The following SCOC variants were observed in gnomAD, a reference collection of about 807,000 sequenced individuals.
SCOC encodes short coiled coil protein.
In SCOC, 7 loss-of-function variants were observed where a neutral mutation model predicts 9.9. That is an observed-to-expected ratio of 0.71 (90% CI 0.40 to 1.33). The LOEUF is 1.33. SCOC is among the 40% of genes most tolerant of loss of function. SCOC has a pLI of 0.01. For synonymous variants in SCOC, 19 were observed against 28.2 expected, an observed-to-expected ratio of 0.67 and a Z score of 1.03; for missense variants, 66 against 89.7, an observed-to-expected ratio of 0.74 and a Z score of 1.07.
At chr4:140,295,904 C>T (rs1731616858) in intron 1 of SCOC, among the ~76,000 whole-genome samples, 1 of 131,690 alleles carries the variant, frequency 7.6e-6, no homozygotes. Flanking sequence ...GCACTCCAGC[C>T]TGGGCGACAG....
chr4:140,340,367 G>T (rs999985653), upstream of SCOC, among the ~76,000 whole-genome samples: 2 of 151,668 alleles, frequency 1.3e-5, no homozygotes, highest in African/African-American at 4.8e-5. Context: ...GAGTTAATGG[G>T]TTCAGCACAC....
At chr4:140,279,268 T>C (rs1731050121) in intron 1 of SCOC, among the ~76,000 whole-genome samples, 1 of 152,242 alleles carries the variant, frequency 6.6e-6, no homozygotes, top group South Asian at 2.1e-4. Context: ...GATTTCTTTA[T>C]GACATATTCT....
chr4:140,278,667 A>G (rs1731036967), intron 1 of SCOC, among the ~76,000 whole-genome samples: 2 of 152,128 alleles, frequency 1.3e-5, no homozygotes, highest in Admixed American at 6.5e-5. Flanking sequence ...TTCTAATACT[A>G]TCACTGTGTT....
intron 1 of SCOC, among the ~76,000 whole-genome samples, chr4:140,272,222 A>ATT (rs10685796): frequency 3.9e-3 from 559 of 142,304 alleles, no homozygotes; most frequent in East Asian, 0.011. Flanking sequence ...CCTACCTTTA[A>ATT]TTTTTTTTTT....
intron 2 of SCOC, 102 bp from the exon 3 acceptor site, chr4:140,379,467 C>A: frequency 2.3e-6 from 2 of 855,124 alleles, no homozygotes; most frequent in Non-Finnish European, 3.8e-6. Flanking sequence ...TTGTATAAGT[C>A]AAGTAAGAAT....
chr4:140,259,070 T>G (rs571616690), intron 1 of SCOC, among the ~76,000 whole-genome samples: 1 of 152,320 alleles, frequency 6.6e-6, no homozygotes, highest in Middle Eastern at 3.4e-3. Context: ...TGCCTAGAAA[T>G]GCACAGACAG....
intron 1 of SCOC, among the ~76,000 whole-genome samples, chr4:140,317,656 T>TTTTTA (rs1263818367): frequency 1.3e-5 from 2 of 149,572 alleles, no homozygotes; most frequent in South Asian, 2.1e-4. Flanking sequence ...ACTGTTTGCA[T>TTTTTA]TTTTATTTTA....
intron 1 of SCOC, among the ~76,000 whole-genome samples, chr4:140,325,018 A>G (rs1267007009): frequency 6.6e-6 from 1 of 152,134 alleles, no homozygotes; most frequent in Non-Finnish European, 1.5e-5. Flanking sequence ...GAATTCATAA[A>G]TAGATCTACA....
chr4:140,364,924 A>G (rs1258395820), intron 2 of SCOC, among the ~76,000 whole-genome samples: 1 of 152,134 alleles, frequency 6.6e-6, no homozygotes, highest in East Asian at 1.9e-4. Context: ...CTTAAGCCTT[A>G]TTACACAGGG....
chr4:140,380,274 T>C (rs1274831737), intron 3 of SCOC, among the ~76,000 whole-genome samples: 4 of 144,690 alleles, frequency 2.8e-5, no homozygotes, highest in African/African-American at 1.0e-4. Context: ...CTCGGCTCCC[T>C]GCAACCTCTG....
upstream of SCOC, among the ~76,000 whole-genome samples, chr4:140,370,599 T>A (rs1004617337): frequency 3.3e-5 from 5 of 152,208 alleles, no homozygotes; most frequent in Non-Finnish European, 5.9e-5. Context: ...TATACTTAAA[T>A]TATCTGTATA....
chr4:140,258,412 T>G (rs897290586), intron 1 of SCOC, among the ~76,000 whole-genome samples: 1 of 152,190 alleles, frequency 6.6e-6, no homozygotes, highest in African/African-American at 2.4e-5. Flanking sequence ...TCTATTCCTA[T>G]CTCCGTCAAA....
intron 1 of SCOC, among the ~76,000 whole-genome samples, chr4:140,259,702 A>G (rs1730586629): frequency 6.6e-6 from 1 of 152,290 alleles, no homozygotes; most frequent in East Asian, 1.9e-4. Flanking sequence ...GAGTGAGACC[A>G]TGTCTCCAAA....
chr4:140,286,020 A>T (rs1041747107), intron 1 of SCOC, among the ~76,000 whole-genome samples: 1 of 152,002 alleles, frequency 6.6e-6, no homozygotes, highest in South Asian at 2.1e-4. Flanking sequence ...TCCCATCTCT[A>T]CTAAAAATAC....
chr4:140,329,639 G>A (rs558935215), intron 1 of SCOC, among the ~76,000 whole-genome samples: 1 of 152,162 alleles, frequency 6.6e-6, no homozygotes, highest in East Asian at 1.9e-4. Flanking sequence ...AGTGGGCTAA[G>A]GACATGAATA....
intron 1 of SCOC, among the ~76,000 whole-genome samples, chr4:140,290,620 C>T (rs1172721187): frequency 6.6e-6 from 1 of 152,216 alleles, no homozygotes; most frequent in Non-Finnish European, 1.5e-5. Flanking sequence ...CGACACCAAC[C>T]TGGCCAACAT....
At chr4:140,316,785 A>G (rs547615549) in intron 1 of SCOC, among the ~76,000 whole-genome samples, 1 of 152,340 alleles carries the variant, frequency 6.6e-6, no homozygotes, top group East Asian at 1.9e-4. Flanking sequence ...ATTTTCAATG[A>G]AACTATGATA....
chr4:140,271,849 A>G (rs1730851862), intron 1 of SCOC, among the ~76,000 whole-genome samples: 1 of 152,158 alleles, frequency 6.6e-6, no homozygotes, highest in South Asian at 2.1e-4. Flanking sequence ...ACTAAAAAGT[A>G]GTGAGCTCAC....
intron 3 of SCOC, among the ~76,000 whole-genome samples, 191 bp from the exon 4 acceptor site, chr4:140,380,771 A>T (rs1728544825): frequency 6.6e-6 from 1 of 152,218 alleles, no homozygotes; most frequent in Admixed American, 6.5e-5. Flanking sequence ...CATTTAGTCT[A>T]ATGTGAAATA....
Sources: gnomAD v4.1 joint callset for allele counts (sites outside exome capture counted in the v4.1 genomes callset) on GRCh38, gnomAD v4.1.1 for gene constraint, MANE v1.5 for transcripts, NCBI Gene and HGNC (gene_info 2026-07-23, HGNC 2026-07-21) for gene names.